Variants in LRRTM4 observed in about 807,000 individuals in gnomAD.
LRRTM4 encodes the protein leucine-rich repeat transmembrane neuronal protein 4.
In LRRTM4, 25 loss-of-function variants were observed where a neutral mutation model predicts 47.6. That is an observed-to-expected ratio of 0.53 (90% CI 0.38 to 0.73). The LOEUF is 0.73. Among genes scored for constraint, LRRTM4 ranks in the 30% least tolerant of loss-of-function variants. The pLI, the probability that LRRTM4 is intolerant of heterozygous loss-of-function variation, is 0.00. For synonymous variants in LRRTM4, 311 were observed against 269.5 expected, an observed-to-expected ratio of 1.15 and a Z score of -1.51; for missense variants, 638 against 713.4, an observed-to-expected ratio of 0.89 and a Z score of 1.20.
At chr2:76,964,246 T>C (rs1675951084) in intron 3 of LRRTM4, among the ~76,000 whole-genome samples, 1 of 149,772 alleles carries the variant, frequency 6.7e-6, no homozygotes, top group African/African-American at 2.5e-5. Flanking sequence ...GTTAACATTT[T>C]AAGCAATAAA....
chr2:77,440,882 A>G (rs1353232490), intron 3 of LRRTM4, among the ~76,000 whole-genome samples: 5 of 152,250 alleles, frequency 3.3e-5, no homozygotes, highest in African/African-American at 1.2e-4. Context: ...ATATTTTAAT[A>G]GAACAGTCTT....
At chr2:77,276,724 T>C (rs1433469790) in intron 3 of LRRTM4, among the ~76,000 whole-genome samples, 185 of 133,790 alleles carry the variant, frequency 1.4e-3, no homozygotes, top group Non-Finnish European at 2.4e-3. Context: ...TATATATATA[T>C]ATATATATGT....
intron 3 of LRRTM4, among the ~76,000 whole-genome samples, chr2:76,768,782 C>T (rs539098597): frequency 6.6e-6 from 1 of 152,242 alleles, no homozygotes; most frequent in South Asian, 2.1e-4. Context: ...TCTCACTAGG[C>T]ATTGCGGAGA....
chr2:77,228,723 T>C (rs1674882748), intron 3 of LRRTM4, among the ~76,000 whole-genome samples: 1 of 152,226 alleles, frequency 6.6e-6, no homozygotes, highest in Non-Finnish European at 1.5e-5. Flanking sequence ...TCTTATTGTG[T>C]CCTGTCCTTG....
chr2:76,965,488 A>T (rs1675992639), intron 3 of LRRTM4, among the ~76,000 whole-genome samples: 1 of 151,530 alleles, frequency 6.6e-6, no homozygotes, highest in East Asian at 2.0e-4. Context: ...GAGCAGAAAC[A>T]TCTTTAATTT....
chr2:77,256,318 T>C (rs1325683357), intron 3 of LRRTM4, among the ~76,000 whole-genome samples: 1 of 152,166 alleles, frequency 6.6e-6, no homozygotes, highest in Non-Finnish European at 1.5e-5. Context: ...ATGGTGTCGT[T>C]GGTAAACTAT....
intron 3 of LRRTM4, among the ~76,000 whole-genome samples, chr2:77,044,613 T>A (rs1260517815): frequency 6.6e-6 from 1 of 151,318 alleles, no homozygotes; most frequent in East Asian, 1.9e-4. Context: ...ACTAGTTTAT[T>A]TGATTTTTTT....
intron 3 of LRRTM4, among the ~76,000 whole-genome samples, chr2:77,036,534 A>T: frequency 6.6e-6 from 1 of 151,740 alleles, no homozygotes; most frequent in South Asian, 2.1e-4. Context: ...GGCTTCCTAC[A>T]ATCCTTATCA....
intron 3 of LRRTM4, among the ~76,000 whole-genome samples, chr2:77,250,175 G>A (rs1675564890): frequency 6.6e-6 from 1 of 152,088 alleles, no homozygotes; most frequent in Non-Finnish European, 1.5e-5. Context: ...AGGGAGGGAG[G>A]TATACCATGG....
At chr2:77,512,808 G>A (rs1485465493) in intron 3 of LRRTM4, among the ~76,000 whole-genome samples, 1 of 152,076 alleles carries the variant, frequency 6.6e-6, no homozygotes, top group Non-Finnish European at 1.5e-5. Context: ...ACATTCCTAA[G>A]ACCACAGACT....
chr2:77,056,533 G>A (rs533928432), intron 3 of LRRTM4, among the ~76,000 whole-genome samples: 2 of 151,858 alleles, frequency 1.3e-5, no homozygotes, highest in South Asian at 2.1e-4. Context: ...ATCAATAAAA[G>A]GATAAAGAGA....
intron 3 of LRRTM4, among the ~76,000 whole-genome samples, chr2:77,340,883 T>C (rs949747675): frequency 2.0e-5 from 3 of 151,944 alleles, no homozygotes; most frequent in African/African-American, 7.2e-5. Flanking sequence ...GGTGAGAGTA[T>C]AGACAGAAAA....
At chr2:76,928,618 G>A (rs563426987) in intron 3 of LRRTM4, among the ~76,000 whole-genome samples, 104 of 152,236 alleles carry the variant, frequency 6.8e-4, no homozygotes, top group African/African-American at 2.5e-3. Context: ...GCTGGTGCTG[G>A]TGAGATGGGC....
At chr2:76,809,236 A>C (rs1042768439) in intron 3 of LRRTM4, among the ~76,000 whole-genome samples, 16 of 152,176 alleles carry the variant, frequency 1.1e-4, no homozygotes, top group African/African-American at 3.9e-4. Flanking sequence ...ACATACATGC[A>C]ATCCTATTGT....
intron 3 of LRRTM4, among the ~76,000 whole-genome samples, chr2:76,980,160 A>C (rs1387736755): frequency 6.6e-6 from 1 of 152,084 alleles, no homozygotes; most frequent in African/African-American, 2.4e-5. Flanking sequence ...GGATTATATA[A>C]AGCCAGTATT....
At chr2:77,315,161 GTTA>G (rs1677583411) in intron 3 of LRRTM4, among the ~76,000 whole-genome samples, 2 of 152,228 alleles carry the variant, frequency 1.3e-5, no homozygotes, top group South Asian at 2.1e-4. Flanking sequence ...ATAATAATAT[GTTA>G]TTATGCAAAG....
chr2:77,332,221 T>C lies in LRRTM4; in HGVS notation c.1551+186097A>G, dbSNP rs377341475. Among the ~76,000 whole-genome samples the C allele has an allele frequency of 2.7e-4, 41 of 152,296 alleles. 1 individual carries two copies. The East Asian group carries it at 7.9e-3, about 29-fold the overall frequency. ...TTTTTTTAGGTTTACTTGCACTCTT[T>C]CCTCCAACAGGACTTGGACAATGGG... On this transcript the variant is annotated intron_variant, in intron 3 of 3. Transcript: ENST00000409884.
At chr2:77,390,103 G>A (rs1229990363) in intron 3 of LRRTM4, among the ~76,000 whole-genome samples, 1 of 152,048 alleles carries the variant, frequency 6.6e-6, no homozygotes, top group Non-Finnish European at 1.5e-5. Flanking sequence ...ATAAGATAAT[G>A]CTTAGTCTTA....
chr2:77,287,768 T>C (rs1676705380), intron 3 of LRRTM4, among the ~76,000 whole-genome samples: 1 of 152,152 alleles, frequency 6.6e-6, no homozygotes, highest in Non-Finnish European at 1.5e-5. Flanking sequence ...TATCTTACAA[T>C]TAGCTTCTGT....
Sources: allele counts gnomAD v4.1 joint callset (sites outside exome capture counted in the v4.1 genomes callset), GRCh38; gene constraint gnomAD v4.1.1; transcripts MANE v1.5; gene names NCBI Gene and HGNC (gene_info 2026-07-23, HGNC 2026-07-21).